Variants in PTPRF observed in about 807,000 individuals in gnomAD.
PTPRF encodes the protein receptor-type tyrosine-protein phosphatase F.
PTPRF carries 59 observed loss-of-function variants against 201.8 expected under a neutral mutation model. The observed-to-expected ratio is 0.29, with a 90% confidence interval of 0.24 to 0.36. PTPRF has a LOEUF of 0.36. PTPRF is among the 10% of genes least tolerant of loss of function. PTPRF has a pLI of 1.00. For synonymous variants in PTPRF, 1,088 were observed against 1,089.7 expected (o/e 1.00, Z 0.03); for missense variants, 2,132 against 2,690.5 (o/e 0.79, Z 4.59).
chr1:43,577,130 C>G (rs888066256), intron 6 of PTPRF, among the ~76,000 whole-genome samples: 1 of 152,196 alleles, frequency 6.6e-6, no homozygotes, highest in African/African-American at 2.4e-5. Context: ...AAATTTCACC[C>G]AGGAACCACT....
At position 43,619,745 on chromosome 1, in the gene PTPRF, C is replaced by G; in HGVS notation, c.4998C>G (p.Phe1666Leu). Residue 1666 changes from phenylalanine (F) to leucine (L), a missense_variant, in exon 29 of 34, where the codon TTC becomes TTG. Around this residue, in one of 6 missense-constraint regions of PTPRF, gnomAD observed 519 missense variants for 659.5 expected, o/e 0.79. Transcript: ENST00000359947. Reference sequence around the variant, plus strand: ...GCGCCAACCTGCCCTGCAACAAGTTCAAGAACCGGCTGGTGAACATCATGC... The same window carrying G: ...GCGCCAACCTGCCCTGCAACAAGTTGAAGAACCGGCTGGTGAACATCATGC... ...FISANLPCNK[F>L]KNRLVNIMPY... is the part of the protein sequence containing the mutation. 2 of 1,614,262 alleles carry G rather than the reference C, an allele frequency of 1.2e-6. No individual in the cohort carries two copies. Among genetic ancestry groups the G allele is most frequent in the African/African-American group, 1.3e-5 (1 of 75,078 alleles).
chr1:43,589,426 C>T (rs1282049850), intron 8 of PTPRF, among the ~76,000 whole-genome samples: 3 of 147,242 alleles, frequency 2.0e-5, no homozygotes, highest in Non-Finnish European at 3.0e-5. Flanking sequence ...TCACCCTCAC[C>T]ACTACATAGT....
intron 11 of PTPRF, among the ~76,000 whole-genome samples, chr1:43,595,523 G>A (rs1652040840): frequency 6.6e-6 from 1 of 152,156 alleles, no homozygotes; most frequent in African/African-American, 2.4e-5. Flanking sequence ...CCCGGCCTGG[G>A]ATTTTTCTTT....
rs641365 is a variant in PTPRF, at chr1:43,617,836, T to C, written c.4296T>C (p.Gly1432=). The change falls in exon 25 of 34, where the codon GGT becomes GGC. Residue 1432 remains glycine (G), a synonymous_variant. Coordinates refer to ENST00000359947, the MANE Select transcript of PTPRF (RefSeq NM_002840.5). ...AGGGCCCCCTGCCCGAGACCATGGG[T>C]GATTTCTGGAGGATGGTGTGGGAAC... is the stretch of plus-strand genomic sequence containing the variant. ...ATQGPLPETM[G]DFWRMVWEQR... 0.74 allele frequency: 1,198,163 copies of C among 1,613,522 alleles called. 449,215 individuals are homozygous for C. The highest frequency in any genetic ancestry group is 0.92 in the African/African-American group (69,274 of 75,018).
chr1:43,576,036 G>C, intron 6 of PTPRF: 1 of 1,066,132 alleles, frequency 9.4e-7, no homozygotes, highest in South Asian at 1.3e-5. Context: ...AACCTCTTCA[G>C]CCTCCTCATC....
At chr1:43,558,527 G>A (rs1325710881) in intron 5 of PTPRF, among the ~76,000 whole-genome samples, 5 of 152,220 alleles carry the variant, frequency 3.3e-5, no homozygotes, top group Admixed American at 6.5e-5. Flanking sequence ...GCTGGCCGGG[G>A]TGAGCCTGTC....
At chr1:43,583,715 A>G (rs16830952) in intron 7 of PTPRF, among the ~76,000 whole-genome samples, 1 of 151,904 alleles carries the variant, frequency 6.6e-6, no homozygotes, top group African/African-American at 2.4e-5. Context: ...CTTGGTGTCC[A>G]TGGCGCAGGG....
Position 43,606,378 on chromosome 1 carries a change from G to A in PTPRF, c.3622G>A (p.Gly1208Ser), listed in dbSNP as rs989434962. 3 of 1,614,160 alleles carry A rather than the reference G, an allele frequency of 1.9e-6. No individual in the cohort carries two copies. The highest frequency in any genetic ancestry group is 2.5e-6 in the Non-Finnish European group (3 of 1,180,022). Residue 1208 changes from glycine (G) to serine (S), a missense_variant, in exon 20 of 34, where the codon GGC becomes AGC. Gly to Ser is a moderately conservative substitution (Grantham distance 56). This residue lies in a region of PTPRF where 818 missense variants were observed against 915.3 expected (regional missense o/e 0.89). Transcript: ENST00000359947. ...CTTGGGGGACAAGAAGAACTACCGG[G>A]GCTTCTACAACCGGCCCCTGTCTCC... is the stretch of plus-strand genomic sequence containing the variant. ...FTLGDKKNYR[G>S]FYNRPLSPDL...
intron 23 of PTPRF, among the ~76,000 whole-genome samples, chr1:43,614,741 T>C (rs588657): frequency 0.67 from 102,267 of 151,992 alleles, 35,192 homozygotes; most frequent in East Asian, 0.77. Flanking sequence ...GTCCCAGCTA[T>C]TTGTGAGGGC....
Position 43,619,110 on chromosome 1 carries a change from A to G in PTPRF, c.4554A>G (p.Gly1518=), listed in dbSNP as rs779280691. 3 of 1,613,668 alleles carry G rather than the reference A, an allele frequency of 1.9e-6. No individual in the cohort carries two copies. The African/African-American group carries it at 4.0e-5, about 22-fold the overall frequency. ...QFQFMAWPDH[G]VPEYPTPILA... ...AGTTCATGGCCTGGCCAGACCATGG[A>G]GTTCCTGAGTACCCAACTCCCATCC... The change falls in exon 27 of 34, where the codon GGA becomes GGG. Residue 1518 remains glycine (G), a synonymous_variant. Transcript: ENST00000359947.
chr1:43,615,845 G>A (rs575003903), intron 23 of PTPRF, among the ~76,000 whole-genome samples: 218 of 152,226 alleles, frequency 1.4e-3, no homozygotes, highest in Admixed American at 7.3e-3. Flanking sequence ...GATTACAGGC[G>A]TGAGCCACTG....
At chr1:43,595,758 T>C (rs1019486910) in intron 11 of PTPRF, among the ~76,000 whole-genome samples, 1 of 151,968 alleles carries the variant, frequency 6.6e-6, no homozygotes, top group African/African-American at 2.4e-5. Flanking sequence ...GGGGGGGTTG[T>C]AGCAAGAGAT....
intron 5 of PTPRF, among the ~76,000 whole-genome samples, chr1:43,561,415 A>G (rs1645799300): frequency 6.6e-6 from 1 of 152,074 alleles, no homozygotes; most frequent in African/African-American, 2.4e-5. Context: ...GTAAAGGGCT[A>G]TTGCAGGCAC....
chr1:43,555,208 T>C (rs1394011211), intron 5 of PTPRF, among the ~76,000 whole-genome samples: 1 of 152,072 alleles, frequency 6.6e-6, no homozygotes. Context: ...TTTTGAAAAA[T>C]TGGAAAGTAT....
At chr1:43,618,802 G>T (rs1361629007) in intron 26 of PTPRF, 53 bp downstream of exon 26, 2 of 1,575,316 alleles carry the variant, frequency 1.3e-6, no homozygotes, top group Non-Finnish European at 1.7e-6. Context: ...AAGGACAGTG[G>T]CCTGGGTGTG....
At chr1:43,571,104 G>T (rs2153988336) in intron 6 of PTPRF, among the ~76,000 whole-genome samples, 1 of 152,238 alleles carries the variant, frequency 6.6e-6, no homozygotes, top group Admixed American at 6.5e-5. Context: ...TGCTTGGGGT[G>T]CCCGGCCCTG....
chr1:43,620,057 C>T, intron 29 of PTPRF, 38 bp from the exon 30 acceptor site: 1 of 1,612,132 alleles, frequency 6.2e-7, no homozygotes, highest in East Asian at 2.2e-5. Flanking sequence ...CTAGGGGCAG[C>T]AGCACCTCCA....
intron 12 of PTPRF, 76 bp from the exon 13 acceptor site, chr1:43,598,644 C>T: frequency 7.2e-7 from 1 of 1,380,738 alleles, no homozygotes; most frequent in South Asian, 1.3e-5. Flanking sequence ...GAGGCAGGAC[C>T]CTCAAGTTTG....
chr1:43,584,971 T>G (rs1198344762), intron 7 of PTPRF, among the ~76,000 whole-genome samples: 1 of 152,200 alleles, frequency 6.6e-6, no homozygotes, highest in African/African-American at 2.4e-5. Flanking sequence ...CGCAAATAAT[T>G]AGACTTAAAA....
Sources: gnomAD v4.1 joint callset for allele counts (sites outside exome capture counted in the v4.1 genomes callset) on GRCh38, gnomAD v4.1.1 for gene constraint, gnomAD v4.1.1 regional missense constraint, MANE v1.5 for transcripts, NCBI Gene and HGNC (gene_info 2026-07-23, HGNC 2026-07-21) for gene names.